TXNRD2: variants seen among roughly 807,000 people sequenced by gnomAD.
TXNRD2 encodes thioredoxin reductase 2.
A neutral mutation model predicts 70.8 loss-of-function variants in TXNRD2; 67 were observed. The ratio of observed to expected loss-of-function variants is 0.95; its 90% CI spans 0.78 to 1.16. The LOEUF (loss-of-function observed/expected upper bound fraction) is 1.16, where lower values mean the gene tolerates loss of function less well. TXNRD2 is among the 50% of genes most tolerant of loss of function. The probability of loss-of-function intolerance (pLI) is 0.00; values close to 1 mark genes in which losing one functional copy is unlikely to be tolerated. For missense variants in TXNRD2, 644 were observed against 719.9 expected (o/e 0.89, Z 1.21); for synonymous variants, 301 against 295.8 (o/e 1.02, Z -0.18).
intron 14 of TXNRD2, among the ~76,000 whole-genome samples, chr22:19,878,761 G>A (rs1188053048): frequency 6.6e-6 from 1 of 152,218 alleles, no homozygotes; most frequent in Non-Finnish European, 1.5e-5. Context: ...GCAAACCTGG[G>A]TGGACGTAGC....
intron 10 of TXNRD2, 78 bp downstream of exon 10, chr22:19,897,961 A>C (rs1275837949): frequency 3.3e-6 from 4 of 1,221,222 alleles, no homozygotes; most frequent in Non-Finnish European, 4.6e-6. Context: ...CCATGACTGC[A>C]CTGCACCTGC....
At chr22:19,912,678 C>T (rs1312332159) in intron 7 of TXNRD2, among the ~76,000 whole-genome samples, 1 of 152,154 alleles carries the variant, frequency 6.6e-6, no homozygotes, top group African/African-American at 2.4e-5. Flanking sequence ...AACAACTGCA[C>T]AGTGTCATCC....
chr22:19,923,673 G>A (rs573983858), intron 2 of TXNRD2, among the ~76,000 whole-genome samples: 3 of 152,056 alleles, frequency 2.0e-5, no homozygotes, highest in South Asian at 2.1e-4. Context: ...GTGGTGGTGG[G>A]CGCCTGTAAT....
chr22:19,909,972 C>T (rs1238951450), intron 8 of TXNRD2, among the ~76,000 whole-genome samples: 1 of 140,542 alleles, frequency 7.1e-6, no homozygotes, highest in African/African-American at 2.8e-5. Context: ...ACACACACAC[C>T]ACACACACCA....
At chr22:19,920,887 G>A (rs1031721210) in intron 2 of TXNRD2, among the ~76,000 whole-genome samples, 3 of 152,242 alleles carry the variant, frequency 2.0e-5, no homozygotes, top group African/African-American at 7.2e-5. Context: ...CAGATCACGA[G>A]GGCAGGAGAT....
At position 19,918,212 on chromosome 22, in the gene TXNRD2, T is replaced by C. The variant is rs753524446; in HGVS notation, c.380A>G (p.Lys127Arg). ...GTGATTTTGAACAGCTTCTGCCATC[T>C]TCCTCCTGTGAAGATACGAAACAAA... Reference protein sequence around the residue: ...VAQPVPHDWRKMAEAVQNHVK... With the variant: ...VAQPVPHDWRRMAEAVQNHVK... Residue 127 changes from lysine to arginine, a missense_variant, in exon 5 of 18, where the codon AAG (lysine) becomes AGG (arginine). Around this residue, in one of 3 missense-constraint regions of TXNRD2, gnomAD observed 566 missense variants for 645.0 expected, o/e 0.88. Transcript: ENST00000400521. 32 of 1,614,074 alleles carry C rather than the reference T, an allele frequency of 2.0e-5. No individual in the cohort carries two copies. In the South Asian group the frequency reaches 3.2e-4, roughly 16 times the overall value.
At position 19,909,444 on chromosome 22, in the gene TXNRD2, CAA is replaced by C. The variant is rs139624194; in HGVS notation, c.662+1931_662+1932del. Among the ~76,000 whole-genome samples, 615 of 152,040 alleles carry C rather than the reference CAA, an allele frequency of 4.0e-3. 17 individuals carry two copies. The East Asian group carries it at 0.073, about 18-fold the overall frequency. On this transcript the variant is annotated intron_variant, in intron 8 of 17. Transcript: ENST00000400521. ...AAGGGAATCCAGTCCTGACCCCACA[CAA>C]AGATGCCCCGTGAAGTGTGAAACAA...
chr22:19,900,809 C>T (rs1939743254), intron 8 of TXNRD2, among the ~76,000 whole-genome samples: 1 of 152,180 alleles, frequency 6.6e-6, no homozygotes, highest in Admixed American at 6.5e-5. Context: ...AACTCTGCTG[C>T]TTTGCATATC....
rs200610775 is a variant in TXNRD2 at position 19,915,213 on chromosome 22, C to G, written c.591+1G>C. On this transcript the variant is annotated splice_donor_variant, in intron 7 of 17. Transcript: ENST00000400521. LOFTEE classifies it high-confidence loss of function. ...GGACGCTATGCTCTGGGGACACTCA[C>G]GTGCGTGGGGTATCTCGGCCGCCCT... 506 of 1,613,538 alleles carry G rather than the reference C, an allele frequency of 3.1e-4. 1 individual carries two copies. Among genetic ancestry groups the G allele is most frequent in the Non-Finnish European group, 4.2e-4 (490 of 1,179,824 alleles).
At chr22:19,881,076 G>A in intron 12 of TXNRD2, 1 of 462,724 alleles carries the variant, frequency 2.2e-6, no homozygotes, top group Non-Finnish European at 3.8e-6. Context: ...AAGAGCCCCT[G>A]CTACCGTTTT....
At chr22:19,896,689 G>A (rs1330323252) in intron 10 of TXNRD2, among the ~76,000 whole-genome samples, 1 of 152,254 alleles carries the variant, frequency 6.6e-6, no homozygotes, top group Non-Finnish European at 1.5e-5. Flanking sequence ...GGACTTGCAC[G>A]GACCAGCAGT....
At chr22:19,891,018 G>C (rs941174465) in intron 11 of TXNRD2, among the ~76,000 whole-genome samples, 1 of 152,244 alleles carries the variant, frequency 6.6e-6, no homozygotes, top group Non-Finnish European at 1.5e-5. Flanking sequence ...GGGGCAGGCT[G>C]TGGGGGTGGC....
At position 19,880,695 on chromosome 22, in the gene TXNRD2, A is replaced by G. The variant is rs1139793; in HGVS notation, c.1109T>C (p.Ile370Thr). The G allele has an allele frequency of 0.72, 1,166,418 of 1,612,762 alleles. 426,057 individuals carry two copies. Among genetic ancestry groups the G allele is most frequent in the African/African-American group, 0.92 (69,109 of 75,032 alleles). Residue 370 changes from isoleucine to threonine, a missense_variant, in exon 13 of 18, where the codon ATA (isoleucine) becomes ACA (threonine). Ile to Thr is a moderately conservative substitution (Grantham distance 89). Around this residue, in one of 3 missense-constraint regions of TXNRD2, gnomAD observed 566 missense variants for 645.0 expected, o/e 0.88. Transcript: ENST00000400521. The part of the protein sequence containing the change: ...VVEGRPELTP[I>T]AIMAGRLLVQ... ...CAGGAGCCTCCCGGCCATGATCGCT[A>G]TGGGTGTCAGCTCAGGCCGCCCCTT...
Position 19,915,839 on chromosome 22 carries a change from CT to C in TXNRD2, c.453del (p.Val152SerfsTer63). 6.2e-7 allele frequency: 1 copy of C among 1,614,048 alleles called. No individual in the cohort carries two copies. The highest frequency in any genetic ancestry group is 8.5e-7 in the Non-Finnish European group (1 of 1,179,912). On this transcript the variant is annotated frameshift_variant, in exon 6 of 18. Transcript: ENST00000400521. LOFTEE classifies it high-confidence loss of function. ...CTGGCTTTGATGTTAAAGTACTTGACTTTTCTGAAAGATAAAGATAAGATTT... is the reference window on the plus strand; with the variant it reads ...CTGGCTTTGATGTTAAAGTACTTGACTTTCTGAAAGATAAAGATAAGATTT... Reference protein sequence around the residue: ...WGHRVQLQDRKVKYFNIKASF... With the variant: ...WGHRVQLQDRXVKYFNIKASF...
intron 11 of TXNRD2, among the ~76,000 whole-genome samples, chr22:19,886,035 C>T (rs1939014343): frequency 1.3e-5 from 2 of 152,266 alleles, no homozygotes; most frequent in African/African-American, 4.8e-5. Context: ...GGCATGACAG[C>T]TGGACAGGCT....
rs181003258 is a variant in TXNRD2, at chr22:19,914,701, G to A, written c.591+513C>T. ...TAGTTTCAGTTCAGGGATGATGGAA[G>A]GAGTTCTGGCAATGGATGGTGGTGA... is the stretch of plus-strand genomic sequence containing the variant. On this transcript the variant is annotated intron_variant, in intron 7 of 17. Coordinates refer to ENST00000400521, the MANE Select transcript of TXNRD2 (RefSeq NM_006440.5). Among the ~76,000 whole-genome samples the A allele has an allele frequency of 3.4e-3, 523 of 152,268 alleles. 3 individuals are homozygous for A. The highest frequency in any genetic ancestry group is 0.012 in the African/African-American group (509 of 41,540).
At chr22:19,904,202 C>T (rs947784718) in intron 8 of TXNRD2, among the ~76,000 whole-genome samples, 1 of 152,166 alleles carries the variant, frequency 6.6e-6, no homozygotes, top group Non-Finnish European at 1.5e-5. Flanking sequence ...CCTGCTCACC[C>T]ACCCACAAGC....
rs562803051 is a variant in TXNRD2, at chr22:19,880,404, C to T, written c.1183-133G>A. The T allele has an allele frequency of 3.1e-5, 31 of 993,492 alleles. 1 individual carries two copies. In the East Asian group the frequency reaches 5.7e-4, roughly 18 times the overall value. The allele number at this position is 993,492 out of a possible 1,614,324, so 61.5% of individuals were successfully genotyped here. A position where few individuals can be genotyped will look rare whatever the true frequency, so the allele number is the denominator to read the frequency against. On this transcript the variant is annotated intron_variant, in intron 13 of 17. Transcript: ENST00000400521. ...CAGAGCAGGCTGCAAGCACAGTAGG[C>T]GACCCACCTGCCCACGCCTGCGCCA...
chr22:19,886,485 G>T (rs1939039175), intron 11 of TXNRD2, among the ~76,000 whole-genome samples: 1 of 152,264 alleles, frequency 6.6e-6, no homozygotes, highest in South Asian at 2.1e-4. Flanking sequence ...ACCCACTGGG[G>T]CCCGAATGCT....
Sources: allele counts gnomAD v4.1 joint callset (sites outside exome capture counted in the v4.1 genomes callset), GRCh38; gene constraint gnomAD v4.1.1; regional missense constraint gnomAD v4.1.1; transcripts MANE v1.5; gene names NCBI Gene and HGNC (gene_info 2026-07-23, HGNC 2026-07-21).